The following BSG variants were observed in gnomAD, a reference collection of about 807,000 sequenced individuals.
The protein encoded by BSG is basigin.
BSG carries 37 observed loss-of-function variants against 43.1 expected under a neutral mutation model. That is an observed-to-expected ratio of 0.86 (90% confidence interval 0.66 to 1.13). The LOEUF is 1.13. Ranked by LOEUF, BSG falls within the 50% of genes most tolerant of loss-of-function variation. BSG has a pLI of 0.00. For missense variants in BSG, 599 were observed against 554.2 expected (o/e 1.08, Z -0.81); for synonymous variants, 309 against 238.7 (o/e 1.29, Z -2.72).
chr19:574,654 G>A (rs531900250), intron 1 of BSG, among the ~76,000 whole-genome samples: 1 of 152,370 alleles, frequency 6.6e-6, no homozygotes, highest in African/African-American at 2.4e-5. Context: ...AGGGCTTCGA[G>A]CCTCTGTCCT....
At chr19:577,005 C>G (rs1163462581) in intron 1 of BSG, among the ~76,000 whole-genome samples, 3 of 152,104 alleles carry the variant, frequency 2.0e-5, no homozygotes, top group African/African-American at 4.8e-5. Flanking sequence ...GGAGTCTGAC[C>G]TCAGAAGGTG....
chr19:572,411 C>T, upstream of BSG: 2 of 985,372 alleles, frequency 2.0e-6, no homozygotes, highest in Non-Finnish European at 2.4e-6. Context: ...GTCACGTGCG[C>T]CGCCGCCCGG....
Position 572,643 on chromosome 19 carries a change from T to A in BSG, c.9T>A (p.Ala3=), listed in dbSNP as rs924673090. ...GGCGAGGAATAGGAATCATGGCGGC[T>A]GCGCTGTTCGTGCTGCTGGGATTCG... MA[A]ALFVLLGFAL... The change falls in exon 1 of 9, where the codon GCT becomes GCA. Residue 3 remains alanine (A), a synonymous_variant. Coordinates refer to ENST00000333511, the MANE Select transcript of BSG (RefSeq NM_001728.4). The A allele has an allele frequency of 6.6e-7, 1 of 1,504,390 alleles. No homozygotes were observed. The highest frequency in any genetic ancestry group is 2.2e-5 in the Admixed American group (1 of 45,570). The allele number at this position is 1,504,390 out of a possible 1,614,324, so 93.2% of individuals were successfully genotyped here. A position where few individuals can be genotyped will look rare whatever the true frequency, so the allele number is the denominator to read the frequency against.
chr19:576,772 G>A (rs1316077750), intron 1 of BSG, among the ~76,000 whole-genome samples: 7 of 113,078 alleles, frequency 6.2e-5, no homozygotes, highest in Non-Finnish European at 9.1e-5. Context: ...AGAAGAAGAG[G>A]AGAAAGAAAA....
At chr19:571,546 C>A (rs140952968), upstream of BSG, 13 of 779,504 alleles carry the variant, frequency 1.7e-5, no homozygotes, top group African/African-American at 2.0e-4. Context: ...GAGGCCCCCA[C>A]AATGAAGCAG....
chr19:582,138 C>G (rs1273096472), intron 6 of BSG, among the ~76,000 whole-genome samples, 168 bp from the exon 7 acceptor site: 1 of 152,198 alleles, frequency 6.6e-6, no homozygotes, highest in African/African-American at 2.4e-5. Context: ...TTCCCCACAG[C>G]ACTCAGAAGA....
At chr19:580,563 G>C in intron 4 of BSG, 83 bp from the exon 5 acceptor site, 1 of 1,605,102 alleles carries the variant, frequency 6.2e-7, no homozygotes, top group Non-Finnish European at 8.5e-7. Flanking sequence ...CCTGCTCCCT[G>C]GAGGGGAACA....
At chr19:573,932 T>C (rs1377883664) in intron 1 of BSG, among the ~76,000 whole-genome samples, 1 of 152,214 alleles carries the variant, frequency 6.6e-6, no homozygotes, top group African/African-American at 2.4e-5. Context: ...TCTTCCTTTG[T>C]TGAGACCCCC....
chr19:579,350 C>T (rs1302457913), intron 2 of BSG, 150 bp from the exon 3 acceptor site: 4 of 1,081,574 alleles, frequency 3.7e-6, no homozygotes, highest in East Asian at 2.6e-5. Context: ...TCCCCTTGGG[C>T]CTCCGGTCCT....
chr19:582,061 T>A (rs1159604164), intron 6 of BSG, among the ~76,000 whole-genome samples: 1 of 152,068 alleles, frequency 6.6e-6, no homozygotes, highest in Non-Finnish European at 1.5e-5. Flanking sequence ...GGGGCAGGGG[T>A]GAGGCCCACG....
intron 1 of BSG, among the ~76,000 whole-genome samples, chr19:573,823 G>A (rs927478978): frequency 6.6e-6 from 1 of 152,198 alleles, no homozygotes; most frequent in Non-Finnish European, 1.5e-5. Context: ...GTGTGTTGAG[G>A]GTGGGCAAAC....
At chr19:582,074 G>A (rs1041091347) in intron 6 of BSG, among the ~76,000 whole-genome samples, 4 of 152,226 alleles carry the variant, frequency 2.6e-5, no homozygotes, top group Non-Finnish European at 5.9e-5. Flanking sequence ...GGCCCACGAG[G>A]CCATGGGGAC....
At chr19:576,119 C>T (rs568389785) in intron 1 of BSG, among the ~76,000 whole-genome samples, 2 of 152,346 alleles carry the variant, frequency 1.3e-5, no homozygotes, top group Admixed American at 6.5e-5. Context: ...CCTGGGAGCC[C>T]GGGACTCCTG....
chr19:577,629 G>C (rs1180809281), intron 1 of BSG, 145 bp from the exon 2 acceptor site: 1 of 603,894 alleles, frequency 1.7e-6, no homozygotes, highest in Non-Finnish European at 2.5e-6. Context: ...GTTTCCAGCC[G>C]GGCCCCATCA....
chr19:574,266 AAAAG>A (rs1600476817), intron 1 of BSG, among the ~76,000 whole-genome samples: 2 of 135,874 alleles, frequency 1.5e-5, no homozygotes, highest in Non-Finnish European at 3.2e-5. Flanking sequence ...AAAAAAAAAA[AAAAG>A]AGGTCGGGCA....
intron 1 of BSG, chr19:575,255 G>A (rs10412522): frequency 0.071 from 10,786 of 152,540 alleles, 483 homozygotes; most frequent in Middle Eastern, 0.13. Context: ...AAGACCACAA[G>A]GTCTGGGCAA....
intron 3 of BSG, 90 bp from the exon 4 acceptor site, chr19:580,289 T>C: frequency 4.1e-6 from 5 of 1,210,720 alleles, no homozygotes; most frequent in Middle Eastern, 2.0e-4. Flanking sequence ...GCTTTTTCAC[T>C]GTGCCGTGGT....
chr19:578,416 C>T lies in BSG; in HGVS notation c.415+295C>T, dbSNP rs150369286. ...GTTCCGTCGTTTCTGCTTCCCCGGG[C>T]GCCTGCCCGGCTCCCTCCCTGAGCG... On this transcript the variant is annotated intron_variant, in intron 2 of 8. Transcript: ENST00000333511. Among the ~76,000 whole-genome samples, 429 of 152,340 alleles carry T rather than the reference C, an allele frequency of 2.8e-3. 1 individual carries two copies. The highest frequency in any genetic ancestry group is 9.2e-3 in the African/African-American group (384 of 41,584).
At chr19:578,620 C>T (rs1027796219) in intron 2 of BSG, among the ~76,000 whole-genome samples, 4 of 152,224 alleles carry the variant, frequency 2.6e-5, no homozygotes, top group African/African-American at 4.8e-5. Context: ...GCAGAAGAAC[C>T]GGGGTGCTCC....
Sources: gnomAD v4.1 joint callset for allele counts (sites outside exome capture counted in the v4.1 genomes callset) on GRCh38, gnomAD v4.1.1 for gene constraint, MANE v1.5 for transcripts, NCBI Gene and HGNC (gene_info 2026-07-23, HGNC 2026-07-21) for gene names.